Variants in LETMD1 observed in about 807,000 individuals in gnomAD.
LETMD1 encodes the protein LETM1 domain containing 1, also known as LETM1 domain-containing protein 1.
A neutral mutation model predicts 43.9 loss-of-function variants in LETMD1; 30 were observed. The observed-to-expected ratio is 0.68, with a 90% CI of 0.51 to 0.93. The LOEUF (loss-of-function observed/expected upper bound fraction) is 0.93. Among genes scored for constraint, LETMD1 ranks in the 40% least tolerant of loss-of-function variants. The pLI, the probability that LETMD1 is intolerant of heterozygous loss-of-function variation, is 0.00. For synonymous variants in LETMD1, 176 were observed against 163.1 expected, an observed-to-expected ratio of 1.08 and a Z score of -0.60; for missense variants, 413 against 447.7, an observed-to-expected ratio of 0.92 and a Z score of 0.70.
downstream of LETMD1, chr12:51,063,759 G>T (rs757512573): frequency 1.1e-5 from 17 of 1,562,306 alleles, no homozygotes; most frequent in Non-Finnish European, 1.4e-5. Flanking sequence ...CACTGCCAGA[G>T]GGAGTTCTAA....
At chr12:51,067,550 C>A in the LETMD1 span, 1 of 890,626 alleles carries the variant, frequency 1.1e-6, no homozygotes, top group East Asian at 2.5e-5. This position sits in a 1 kb window ranked among gnomAD's most constrained non-coding sequence, Gnocchi z 4.1. Context: ...GGTTGTGGAA[C>A]TGGAGAGTGT....
At chr12:51,057,992 C>G (rs1645996467) in intron 7 of LETMD1, 40 bp from the exon 8 acceptor site, 3 of 1,191,340 alleles carry the variant, frequency 2.5e-6, no homozygotes, top group Admixed American at 3.4e-5. Flanking sequence ...CATAATCATT[C>G]TATGATTATT....
In LETMD1 at chr12:51,049,164, C is replaced by G; in HGVS notation, c.253C>G (p.Leu85Val). 1 of 1,612,488 alleles carries G rather than the reference C, an allele frequency of 6.2e-7. No individual in the cohort carries two copies. The highest frequency in any genetic ancestry group is 1.1e-5 in the South Asian group (1 of 90,924). ...LGRHFPRFYV[L>V]YTIFMKGLQM... ...TCGTCATTTCCCCCGCTTCTATGTC[C>G]TGTACACAATCTTCATGAAAGGTAA... is the stretch of plus-strand genomic sequence containing the variant. Residue 85 changes from leucine to valine, a missense_variant, in exon 2 of 9, where the codon CTG (leucine) becomes GTG (valine). Physicochemically the swap from Leu to Val is conservative, Grantham distance 32 (BLOSUM62 1). Transcript: ENST00000262055.
At chr12:51,065,115 G>A (rs1938017851), downstream of LETMD1, among the ~76,000 whole-genome samples, 2 of 152,184 alleles carry the variant, frequency 1.3e-5, no homozygotes, top group Admixed American at 1.3e-4. Context: ...GGCCTGCAAT[G>A]ACAGGCATGG....
In LETMD1 at chr12:51,060,141, A is replaced by G. The variant is rs1016079634; in HGVS notation, c.*710A>G. The G allele has an allele frequency of 6.5e-6, 1 of 152,768 alleles. No homozygotes were observed. The allele number at this position is 152,768 out of a possible 1,614,324, so 9.5% of individuals were successfully genotyped here. A position where few individuals can be genotyped will look rare whatever the true frequency, so the allele number is the denominator to read the frequency against. ...CTCTCCATTGTCTTTTCTGGGCTGT[A>G]TTACAGCCCTCTGTGGATCTTCAAC... On this transcript the variant is annotated 3_prime_UTR_variant, in exon 9 of 9. Transcript: ENST00000262055.
downstream of LETMD1, chr12:51,064,697 A>G: frequency 6.7e-7 from 1 of 1,494,802 alleles, no homozygotes; most frequent in Non-Finnish European, 8.9e-7. Context: ...GGTTGGGGCA[A>G]GATGAGACCT....
chr12:51,062,168 C>T (rs1395098064), downstream of LETMD1: 3 of 152,142 alleles, frequency 2.0e-5, 1 homozygote, highest in Non-Finnish European at 1.5e-5. Context: ...AATGCTGCTG[C>T]GACATACGTG....
At position 51,058,125 on chromosome 12, in the gene LETMD1, A is replaced by T. The variant is rs1264459291; in HGVS notation, c.1009A>T (p.Lys337Ter). ...ATGGCTGCAGATTTCCTGCAGCCTG[A>T]AAGGTAAAACACATTTCTGTGGTTA... ...GEWLQISCSLKEAELSLLLHN... is the reference protein window; with the variant it reads ...GEWLQISCSL The change falls in exon 8 of 9, where the codon AAA (lysine) becomes TAA (stop). Residue 337 changes from lysine to a stop codon, truncating the protein, a stop_gained. Transcript: ENST00000262055. LOFTEE classifies it high-confidence loss of function. The T allele has an allele frequency of 6.3e-7, 1 of 1,596,060 alleles. No individual in the cohort carries two copies. Among genetic ancestry groups the T allele is most frequent in the Non-Finnish European group, 8.6e-7 (1 of 1,163,516 alleles).
chr12:51,057,751 G>A (rs543707792), intron 7 of LETMD1: 66 of 388,658 alleles, frequency 1.7e-4, no homozygotes, highest in Middle Eastern at 1.7e-3. Flanking sequence ...TCAGCCTCCC[G>A]AGTAGCTGGG....
At chr12:51,062,336 T>C (rs1001538716), downstream of LETMD1, 1 of 152,220 alleles carries the variant, frequency 6.6e-6, no homozygotes, top group Admixed American at 6.5e-5. Context: ...GTGTAAAGGA[T>C]GCTTGAGAAG....
the LETMD1 span, chr12:51,068,108 T>C: frequency 7.0e-6 from 5 of 716,326 alleles, no homozygotes; most frequent in Admixed American, 1.1e-4. Flanking sequence ...TGGCAGCTAC[T>C]AGCACATGTG....
Position 51,056,507 on chromosome 12 carries a change from G to C in LETMD1, c.915+5G>C, listed in dbSNP as rs747796358. 32 of 1,614,006 alleles carry C rather than the reference G, an allele frequency of 2.0e-5. No homozygotes were observed. Among genetic ancestry groups the C allele is most frequent in the Non-Finnish European group, 2.5e-5 (30 of 1,180,038 alleles). ...ACTGCTCAGGAAGTAAAATCGGTAA[G>C]AGCTTGATTGCAACATCAACCCTCA... On this transcript the variant is annotated splice_donor_5th_base_variant and intron_variant, in intron 7 of 8. Coordinates refer to ENST00000262055, the MANE Select transcript of LETMD1 (RefSeq NM_015416.5).
At chr12:51,064,768 T>G, downstream of LETMD1, 1 of 1,084,852 alleles carries the variant, frequency 9.2e-7, no homozygotes, top group East Asian at 2.6e-5. Context: ...GGATTTGAGG[T>G]CTCCTTGTAA....
intron 8 of LETMD1, chr12:51,058,697 C>T (rs1948428148): frequency 6.3e-6 from 1 of 159,230 alleles, no homozygotes; most frequent in African/African-American, 2.4e-5. Flanking sequence ...TTTGGGATCA[C>T]TGGCGTGAGC....
At chr12:51,065,605 G>A in the LETMD1 span, among the ~76,000 whole-genome samples, 4 of 152,040 alleles carry the variant, frequency 2.6e-5, no homozygotes, top group South Asian at 8.3e-4. Flanking sequence ...TTACAGGTGT[G>A]AGCCACCGCG....
chr12:51,060,358 T>C lies in LETMD1; in HGVS notation c.*927T>C, dbSNP rs961401025. 3 of 152,448 alleles carry C rather than the reference T, an allele frequency of 2.0e-5. No homozygotes were observed. The highest frequency in any genetic ancestry group is 7.2e-5 in the African/African-American group (3 of 41,472). The allele number at this position is 152,448 out of a possible 1,614,324, so 9.4% of individuals were successfully genotyped here. A position where few individuals can be genotyped will look rare whatever the true frequency, so the allele number is the denominator to read the frequency against. On this transcript the variant is annotated 3_prime_UTR_variant, in exon 9 of 9. Coordinates refer to ENST00000262055, the MANE Select transcript of LETMD1 (RefSeq NM_015416.5). ...GACTTAGAGTTCTGTAATAACTTAT[T>C]GTAAATGCATGAAGCACTGTTTTTA...
chr12:51,051,971 C>G, intron 2 of LETMD1, 121 bp from the exon 3 acceptor site: 2 of 809,410 alleles, frequency 2.5e-6, no homozygotes, highest in African/African-American at 3.5e-5. Context: ...TAGTTTAAAG[C>G]TTTGAGTATC....
chr12:51,053,889 T>G (rs776960947), intron 4 of LETMD1, 29 bp downstream of exon 4: 14 of 1,407,526 alleles, frequency 9.9e-6, no homozygotes, highest in Non-Finnish European at 1.4e-5. Flanking sequence ...CTCCCCAACA[T>G]CTTGAAGATG....
rs561636133 is a variant in LETMD1 at position 51,055,150 on chromosome 12, G to A, written c.474-685G>A. On this transcript the variant is annotated intron_variant, in intron 4 of 8. Transcript: ENST00000262055. ...CTTTTACATACTGGGTCCACATAAG[G>A]ACTGTGCTATAGTTAGATTGTCAAC... Among the ~76,000 whole-genome samples, 6 of 152,118 alleles carry A rather than the reference G, an allele frequency of 3.9e-5. No homozygotes were observed. The South Asian group carries it at 1.2e-3, about 32-fold the overall frequency.
Sources: allele counts gnomAD v4.1 joint callset (sites outside exome capture counted in the v4.1 genomes callset), GRCh38; gene constraint gnomAD v4.1.1; non-coding constraint Gnocchi (gnomAD v3.1); transcripts MANE v1.5; gene names NCBI Gene and HGNC (gene_info 2026-07-23, HGNC 2026-07-21).